Variants in DAB1 observed in about 807,000 individuals in gnomAD.
DAB1 encodes the protein DAB adaptor protein 1, also known as disabled homolog 1.
Under a neutral mutation model 64.6 loss-of-function variants are expected in DAB1, and 15 were observed. The observed-to-expected ratio is 0.23, with a 90% CI of 0.16 to 0.36. DAB1 has a LOEUF of 0.36. DAB1 is among the 10% of genes least tolerant of loss of function. DAB1 has a pLI of 1.00. For missense variants in DAB1, 596 were observed against 706.7 expected, an observed-to-expected ratio of 0.84 and a Z score of 1.78; for synonymous variants, 235 against 251.9, an observed-to-expected ratio of 0.93 and a Z score of 0.64.
intron 7 of DAB1, among the ~76,000 whole-genome samples, chr1:57,575,785 A>G (rs1411157547): frequency 6.6e-6 from 1 of 152,156 alleles, no homozygotes; most frequent in Non-Finnish European, 1.5e-5. Context: ...GTCATTATTG[A>G]GTTCTCTTAT....
chr1:57,482,150 T>A (rs1438769834), intron 7 of DAB1, among the ~76,000 whole-genome samples: 3 of 151,970 alleles, frequency 2.0e-5, no homozygotes, highest in Non-Finnish European at 2.9e-5. Context: ...TATTACTTTT[T>A]CCCCTTCAGA....
intron 4 of DAB1, among the ~76,000 whole-genome samples, chr1:58,164,958 T>C (rs1328105821): frequency 6.6e-6 from 1 of 152,188 alleles, no homozygotes; most frequent in Non-Finnish European, 1.5e-5. Flanking sequence ...ATGTTAGCAA[T>C]ATTTTAAAAT....
At chr1:58,053,594 A>G (rs768141711) in intron 5 of DAB1, among the ~76,000 whole-genome samples, 19 of 152,108 alleles carry the variant, frequency 1.2e-4, no homozygotes, top group Admixed American at 3.9e-4. Flanking sequence ...AAATTTCAAC[A>G]TGAAGTTTGG....
chr1:57,071,481 A>C, intron 6 of DAB1, 41 bp downstream of exon 6: 7 of 1,587,946 alleles, frequency 4.4e-6, no homozygotes, highest in Non-Finnish European at 6.0e-6. Context: ...TGTTTATTTG[A>C]AGGCCCGATC....
At chr1:57,238,822 G>T (rs1021243232) in intron 2 of DAB1, among the ~76,000 whole-genome samples, 4 of 146,206 alleles carry the variant, frequency 2.7e-5, no homozygotes, top group African/African-American at 7.6e-5. Flanking sequence ...TACACACACT[G>T]GCAGGCGTGT....
At chr1:58,202,187 A>G (rs115714153) in intron 4 of DAB1, among the ~76,000 whole-genome samples, 171 of 152,370 alleles carry the variant, frequency 1.1e-3, no homozygotes, top group African/African-American at 4.0e-3. Flanking sequence ...AGATGATAGC[A>G]TTTAAGACTT....
chr1:57,731,069 A>G lies in DAB1; in HGVS notation n.552-81404T>C, dbSNP rs571089119. On this transcript the variant is annotated intron_variant and non_coding_transcript_variant, in intron 6 of 20. Coordinates refer to the DAB1 transcript ENST00000485760. ...AGGAACTAAAAGGTGGAAGCAACCC[A>G]AATGTCCAGAGATAGATGAATGGAT... is the stretch of plus-strand genomic sequence containing the variant. 1.1e-3 allele frequency among the ~76,000 whole-genome samples: 172 copies of G among 152,384 alleles called. 2 individuals carry two copies. Among genetic ancestry groups the G allele is most frequent in the Middle Eastern group, 6.8e-3 (2 of 294 alleles).
At chr1:57,481,522 C>CGAA (rs1558421482) in intron 7 of DAB1, among the ~76,000 whole-genome samples, 1 of 152,098 alleles carries the variant, frequency 6.6e-6, no homozygotes, top group Non-Finnish European at 1.5e-5. Flanking sequence ...AATACAGCCA[C>CGAA]GATGATGACG....
At chr1:57,431,318 C>A (rs1299583938) in intron 7 of DAB1, among the ~76,000 whole-genome samples, 3 of 151,988 alleles carry the variant, frequency 2.0e-5, no homozygotes, top group Non-Finnish European at 4.4e-5. Context: ...ACAAAAGGAT[C>A]CACTTAAAAA....
At chr1:58,485,652 A>G (rs1645564497) in intron 3 of DAB1, among the ~76,000 whole-genome samples, 1 of 151,402 alleles carries the variant, frequency 6.6e-6, no homozygotes, top group Admixed American at 6.6e-5. Flanking sequence ...CAGGGCGCCA[A>G]TGTCTTTTTA....
At chr1:57,452,388 T>A (rs1686418382) in intron 7 of DAB1, among the ~76,000 whole-genome samples, 1 of 152,034 alleles carries the variant, frequency 6.6e-6, no homozygotes, top group South Asian at 2.1e-4. Context: ...AATAAAATGG[T>A]CAGTGGGCAT....
rs186327273 is a variant in DAB1, at chr1:58,006,356, T to G, written n.388-122194A>C. On this transcript the variant is annotated intron_variant and non_coding_transcript_variant, in intron 5 of 20. Coordinates refer to the DAB1 transcript ENST00000485760. Reference sequence around the variant, plus strand: ...AGAATCATTAATCTTAGAGAATTGTTGAGAGGATTAAATATGCTTGACATC... The same window carrying G: ...AGAATCATTAATCTTAGAGAATTGTGGAGAGGATTAAATATGCTTGACATC... Among the ~76,000 whole-genome samples the G allele has an allele frequency of 4.2e-4, 64 of 152,268 alleles. 1 individual carries two copies. The Middle Eastern group carries it at 0.01, about 24-fold the overall frequency.
At chr1:57,491,821 A>G (rs1227948093) in intron 7 of DAB1, among the ~76,000 whole-genome samples, 1 of 152,158 alleles carries the variant, frequency 6.6e-6, no homozygotes, top group African/African-American at 2.4e-5. Flanking sequence ...GAGAAAAGGG[A>G]GCTCTTTGCA....
At chr1:57,863,747 A>C (rs1654173339) in intron 1 of DAB1, among the ~76,000 whole-genome samples, 1 of 152,170 alleles carries the variant, frequency 6.6e-6, no homozygotes, top group South Asian at 2.1e-4. Context: ...GAGGAGAAAA[A>C]GAATAAAATT....
At chr1:57,572,591 A>C (rs1347887057) in intron 7 of DAB1, among the ~76,000 whole-genome samples, 1 of 152,186 alleles carries the variant, frequency 6.6e-6, no homozygotes. Flanking sequence ...TAAATGAGTT[A>C]ATCCATATAA....
At chr1:57,933,392 C>G (rs1644980462) in intron 5 of DAB1, among the ~76,000 whole-genome samples, 1 of 152,092 alleles carries the variant, frequency 6.6e-6, no homozygotes, top group Admixed American at 6.5e-5. Context: ...ATCTTCTAAG[C>G]TTCTCACATG....
intron 5 of DAB1, among the ~76,000 whole-genome samples, chr1:57,911,361 G>A (rs745662862): frequency 1.4e-4 from 21 of 152,162 alleles, no homozygotes; most frequent in Non-Finnish European, 2.9e-4. Flanking sequence ...TTTTGCTTAG[G>A]CTTTGTTGAC....
intron 4 of DAB1, among the ~76,000 whole-genome samples, chr1:58,311,508 G>T (rs1662427124): frequency 6.6e-6 from 1 of 152,140 alleles, no homozygotes; most frequent in South Asian, 2.1e-4. Context: ...ACCATTCCCA[G>T]GCAGTTCTAA....
At chr1:57,886,305 C>T (rs568086097), upstream of DAB1, among the ~76,000 whole-genome samples, 10 of 151,930 alleles carry the variant, frequency 6.6e-5, no homozygotes, top group Admixed American at 3.9e-4. Flanking sequence ...ATTTTAGGTG[C>T]GTGCCAACAC....
Sources: gnomAD v4.1 joint callset for allele counts (sites outside exome capture counted in the v4.1 genomes callset) on GRCh38, gnomAD v4.1.1 for gene constraint, MANE v1.5 for transcripts, NCBI Gene and HGNC (gene_info 2026-07-23, HGNC 2026-07-21) for gene names.